The following SPATS2L variants were observed in gnomAD, a reference collection of about 807,000 sequenced individuals.
SPATS2L encodes spermatogenesis associated serine rich 2 like, also known as SPATS2-like protein.
A neutral mutation model predicts 59.6 loss-of-function variants in SPATS2L; 30 were observed. That is an observed-to-expected ratio of 0.50 (90% CI 0.38 to 0.68). The LOEUF is 0.68. Ranked by LOEUF, SPATS2L falls within the 30% of genes least tolerant of loss-of-function variation. SPATS2L has a pLI of 0.00. For synonymous variants in SPATS2L, 252 were observed against 263.5 expected, an observed-to-expected ratio of 0.96 and a Z score of 0.42; for missense variants, 615 against 700.0, an observed-to-expected ratio of 0.88 and a Z score of 1.37.
intron 6 of SPATS2L, among the ~76,000 whole-genome samples, chr2:200,425,455 G>A (rs1313666556): frequency 6.6e-6 from 1 of 152,140 alleles, no homozygotes; most frequent in Non-Finnish European, 1.5e-5. Context: ...CCGGGCTTTA[G>A]CGTTAGACAT....
chr2:200,462,878 A>C (rs2106199230), intron 9 of SPATS2L, among the ~76,000 whole-genome samples: 1 of 152,276 alleles, frequency 6.6e-6, no homozygotes, highest in South Asian at 2.1e-4. Flanking sequence ...GCAAGCCATG[A>C]TCATGCCATT....
rs995823259 is a variant in SPATS2L, at chr2:200,426,620, G to C, written c.445+7124G>C. Among the ~76,000 whole-genome samples, 3 of 152,126 alleles carry C rather than the reference G, an allele frequency of 2.0e-5. No homozygotes were observed. The South Asian group carries it at 6.2e-4, about 32-fold the overall frequency. On this transcript the variant is annotated intron_variant, in intron 6 of 12. Coordinates refer to ENST00000409140, the MANE Select transcript of SPATS2L (RefSeq NM_001100423.2). ...CCCATGCCTATACTCCCAGCTACTT[G>C]TGGGGCTGAGGTGAGAGGATCACTT...
rs531906703 is a variant in SPATS2L at position 200,348,902 on chromosome 2, T to A, written c.-23+19422T>A. On this transcript the variant is annotated intron_variant, in intron 2 of 12. Transcript: ENST00000409140. ...TTCATTAAGAAAAAAAAAAAAAAAA[T>A]TTGCATGTGAAGAAGTTGAATTTGG... is the stretch of plus-strand genomic sequence containing the variant. Among the ~76,000 whole-genome samples, 33 of 151,416 alleles carry A rather than the reference T, an allele frequency of 2.2e-4. No homozygotes were observed. In the East Asian group the frequency reaches 5.8e-3, roughly 27 times the overall value.
rs1419319839 is a variant in SPATS2L at position 200,410,404 on chromosome 2, CA to C, written c.40-1903del. Among the ~76,000 whole-genome samples, 6 of 36,112 alleles carry C rather than the reference CA, an allele frequency of 1.7e-4. No individual in the cohort carries two copies. The South Asian group carries it at 7.6e-3, about 46-fold the overall frequency. 23.7% of individuals were successfully genotyped at this position (36,112 alleles called of 152,430 possible). ...AACCTCTCTCAAAAACAAAACAAAA[CA>C]AAACAACAAAAAAAAACCCAGCTCA... On this transcript the variant is annotated intron_variant, in intron 3 of 12. Transcript: ENST00000409140.
chr2:200,464,221 G>A (rs76018306), intron 9 of SPATS2L, among the ~76,000 whole-genome samples: 7,511 of 152,240 alleles, frequency 0.049, 256 homozygotes, highest in Non-Finnish European at 0.076. Flanking sequence ...TGTTTTTGAG[G>A]TGAAAATGTT....
chr2:200,320,898 A>G (rs555380297), intron 1 of SPATS2L, among the ~76,000 whole-genome samples: 4 of 152,352 alleles, frequency 2.6e-5, no homozygotes, highest in African/African-American at 4.8e-5. Context: ...TTCTTAAGAA[A>G]CACAAATCTA....
intron 2 of SPATS2L, among the ~76,000 whole-genome samples, chr2:200,347,296 G>A (rs1374933037): frequency 6.6e-6 from 1 of 152,158 alleles, no homozygotes; most frequent in Non-Finnish European, 1.5e-5. Context: ...CTCCTTTGCA[G>A]TGAGGGGTAG....
chr2:200,436,351 A>G (rs1350480541), intron 6 of SPATS2L, among the ~76,000 whole-genome samples: 2 of 152,202 alleles, frequency 1.3e-5, no homozygotes, highest in African/African-American at 4.8e-5. Flanking sequence ...TGTATCTGCA[A>G]GATATCAAAC....
rs2087743958 is a variant in SPATS2L at position 200,480,187 on chromosome 2, C to G, written c.*2156C>G. ...CACCTGCCTTTGTCAGAGTTGAACCCAACCACTCTTGACCTCGACTCACTC... is the reference window on the plus strand; with the variant it reads ...CACCTGCCTTTGTCAGAGTTGAACCGAACCACTCTTGACCTCGACTCACTC... On this transcript the variant is annotated 3_prime_UTR_variant, in exon 13 of 13. Transcript: ENST00000409140. The G allele has an allele frequency of 6.5e-6, 1 of 154,702 alleles. No homozygotes were observed. Among genetic ancestry groups the G allele is most frequent in the Admixed American group, 6.5e-5 (1 of 15,322 alleles). 9.6% of individuals were successfully genotyped at this position (154,702 alleles called of 1,614,324 possible).
intron 2 of SPATS2L, among the ~76,000 whole-genome samples, chr2:200,343,943 G>A (rs555035892): frequency 1.0e-3 from 158 of 152,028 alleles, no homozygotes; most frequent in African/African-American, 3.7e-3. Context: ...GAGTGGTAAG[G>A]TTTGGGGCAT....
chr2:200,384,376 T>C (rs1340222932), intron 2 of SPATS2L, among the ~76,000 whole-genome samples: 3 of 151,264 alleles, frequency 2.0e-5, no homozygotes, highest in African/African-American at 4.9e-5. Flanking sequence ...TTATTTGAGA[T>C]GGAGTCTTGC....
intron 2 of SPATS2L, among the ~76,000 whole-genome samples, chr2:200,379,855 T>G (rs1421538719): frequency 6.6e-6 from 1 of 152,158 alleles, no homozygotes; most frequent in Non-Finnish European, 1.5e-5. Flanking sequence ...TTTTAAAGAC[T>G]TGAGCTTACA....
At chr2:200,364,125 G>A (rs1195630807) in intron 2 of SPATS2L, among the ~76,000 whole-genome samples, 1 of 152,144 alleles carries the variant, frequency 6.6e-6, no homozygotes, top group Non-Finnish European at 1.5e-5. Context: ...TAAAGAAGGT[G>A]GGTGGCCTCT....
intron 6 of SPATS2L, among the ~76,000 whole-genome samples, chr2:200,437,762 G>A (rs1275078604): frequency 2.6e-5 from 4 of 152,134 alleles, no homozygotes; most frequent in Non-Finnish European, 5.9e-5. Flanking sequence ...GGATTCAACT[G>A]AAGTCTAATT....
chr2:200,360,742 G>A (rs925297007), intron 2 of SPATS2L, among the ~76,000 whole-genome samples: 1 of 152,134 alleles, frequency 6.6e-6, no homozygotes, highest in African/African-American at 2.4e-5. Flanking sequence ...ATAAGCTCTT[G>A]TGTTGTTTCA....
At chr2:200,397,498 A>T (rs1422131499) in intron 3 of SPATS2L, among the ~76,000 whole-genome samples, 1 of 152,188 alleles carries the variant, frequency 6.6e-6, no homozygotes, top group Non-Finnish European at 1.5e-5. Context: ...AAACAGATAG[A>T]TGCATAAACT....
At chr2:200,316,240 T>C (rs1178586859) in intron 1 of SPATS2L, among the ~76,000 whole-genome samples, 22 of 152,132 alleles carry the variant, frequency 1.4e-4, no homozygotes, top group Admixed American at 9.8e-4. Context: ...GTGTCTTCTC[T>C]AGTGGTGGTT....
intron 2 of SPATS2L, among the ~76,000 whole-genome samples, chr2:200,347,822 C>G (rs186496400): frequency 3.0e-4 from 46 of 152,326 alleles, no homozygotes; most frequent in South Asian, 1.7e-3. Context: ...ACAATTTAGT[C>G]ACTAGATTCA....
intron 2 of SPATS2L, among the ~76,000 whole-genome samples, chr2:200,384,779 T>C (rs1317200617): frequency 6.6e-6 from 1 of 152,248 alleles, no homozygotes; most frequent in Non-Finnish European, 1.5e-5. Context: ...TATTTTTCTT[T>C]AGGACATATG....
Sources: gnomAD v4.1 joint callset for allele counts (sites outside exome capture counted in the v4.1 genomes callset) on GRCh38, gnomAD v4.1.1 for gene constraint, MANE v1.5 for transcripts, NCBI Gene and HGNC (gene_info 2026-07-23, HGNC 2026-07-21) for gene names.